The following MAPKAPK5 variants were observed in gnomAD, a reference collection of about 807,000 sequenced individuals.
MAPKAPK5 encodes the protein MAP kinase-activated protein kinase 5.
A neutral mutation model predicts 65.1 loss-of-function variants in MAPKAPK5; 30 were observed. That is an observed-to-expected ratio of 0.46 (90% CI 0.34 to 0.63). The LOEUF is 0.63. Ranked by LOEUF, MAPKAPK5 falls within the 20% of genes least tolerant of loss-of-function variation. The pLI is 0.01. For synonymous variants in MAPKAPK5, 179 were observed against 204.6 expected (o/e 0.87, Z 1.07); for missense variants, 433 against 581.4 (o/e 0.74, Z 2.63).
In MAPKAPK5 at chr12:111,845,145, TAC is replaced by T. The variant is rs1327220691; in HGVS notation, c.36+2378_36+2379del. On this transcript the variant is annotated intron_variant, in intron 1 of 13. Transcript: ENST00000550735. ...AATCTCACCCTATGTTTTTTTTTGA[TAC>T]AGAGTCTCACTCTGTCACCCAGGCT... Among the ~76,000 whole-genome samples, 7 of 152,058 alleles carry T rather than the reference TAC, an allele frequency of 4.6e-5. No individual in the cohort carries two copies. In the East Asian group the frequency reaches 1.2e-3, roughly 25 times the overall value.
At position 111,888,544 on chromosome 12, in the gene MAPKAPK5, C is replaced by A. The variant is rs1566276381; in HGVS notation, c.1026C>A (p.Ile342=). The change falls in exon 11 of 14, where the codon ATC becomes ATA. Residue 342 remains isoleucine (I), a synonymous_variant. Coordinates refer to ENST00000550735, the MANE Select transcript of MAPKAPK5 (RefSeq NM_003668.4). ...CGGAACAGTTGGCCAACATGAGAAT[C>A]CAGGATCTGAAAGTCAGCCTCAAAC... ...AHAEQLANMR[I]QDLKVSLKPL... is the part of the protein sequence containing the mutation. 5 of 1,613,964 alleles carry A rather than the reference C, an allele frequency of 3.1e-6. No individual in the cohort carries two copies. Among genetic ancestry groups the A allele is most frequent in the Non-Finnish European group, 4.2e-6 (5 of 1,179,880 alleles).
In MAPKAPK5 at chr12:111,883,870, T is replaced by C; in HGVS notation, c.848+102T>C. ...AAAGTCACTGGTTTCCTAGGCAGGC[T>C]CCTCCCCGTTTTAATATCACAGAAA... On this transcript the variant is annotated intron_variant, in intron 9 of 13. Coordinates refer to ENST00000550735, the MANE Select transcript of MAPKAPK5 (RefSeq NM_003668.4). The surrounding 1 kb of genome is among the most constrained non-coding windows in gnomAD (Gnocchi z 4.8). 2 of 1,188,416 alleles carry C rather than the reference T, an allele frequency of 1.7e-6. No individual in the cohort carries two copies. The highest frequency in any genetic ancestry group is 1.2e-6 in the Non-Finnish European group (1 of 860,926). The allele number at this position is 1,188,416 out of a possible 1,614,324, so 73.6% of individuals were successfully genotyped here. A position where few individuals can be genotyped will look rare whatever the true frequency, so the allele number is the denominator to read the frequency against.
At chr12:111,845,231 T>A in intron 1 of MAPKAPK5, among the ~76,000 whole-genome samples, 1 of 152,052 alleles carries the variant, frequency 6.6e-6, no homozygotes, top group Non-Finnish European at 1.5e-5. Flanking sequence ...TTCAAGCAAT[T>A]CTTGTGCCTT....
intron 7 of MAPKAPK5, among the ~76,000 whole-genome samples, chr12:111,877,067 G>A (rs1354396424): frequency 6.6e-6 from 1 of 151,612 alleles, no homozygotes; most frequent in Non-Finnish European, 1.5e-5. Context: ...GCACAAGTTG[G>A]AGTGCAGTAG....
Position 111,893,055 on chromosome 12 carries a change from C to A in MAPKAPK5, c.1410C>A (p.Ser470=). The A allele has an allele frequency of 6.4e-7, 1 of 1,568,594 alleles. No individual in the cohort carries two copies. Among genetic ancestry groups the A allele is most frequent in the East Asian group, 2.3e-5 (1 of 42,730 alleles). ...VIEEQTTSHE[S]Q The stretch of plus-strand genomic sequence containing the variant: ...AAGAGCAAACCACGTCCCACGAATC[C>A]CAATAATGACAGCTTCAGACTTTGT... Residue 470 remains serine (S), a synonymous_variant, in exon 14 of 14, where the codon TCC becomes TCA. Coordinates refer to ENST00000550735, the MANE Select transcript of MAPKAPK5 (RefSeq NM_003668.4).
At chr12:111,891,852 A>C (rs2070627557) in intron 13 of MAPKAPK5, among the ~76,000 whole-genome samples, 1 of 152,090 alleles carries the variant, frequency 6.6e-6, no homozygotes, top group African/African-American at 2.4e-5. Context: ...GTCATTTTAG[A>C]AAAGTGATCA....
At position 111,893,310 on chromosome 12, in the gene MAPKAPK5, A is replaced by G. The variant is rs2070690701; in HGVS notation, c.*249A>G. 5.0e-6 allele frequency: 1 copy of G among 199,674 alleles called. No homozygotes were observed. The highest frequency in any genetic ancestry group is 1.4e-4 in the South Asian group (1 of 7,378). 12.4% of individuals were successfully genotyped at this position (199,674 alleles called of 1,614,324 possible). Reference sequence around the variant, plus strand: ...TTGTAAGATGACAGATGATGCTGTCAAGCAATATTGTTTTATTTGTAATAA... The same window carrying G: ...TTGTAAGATGACAGATGATGCTGTCGAGCAATATTGTTTTATTTGTAATAA... On this transcript the variant is annotated 3_prime_UTR_variant, in exon 14 of 14. Coordinates refer to ENST00000550735, the MANE Select transcript of MAPKAPK5 (RefSeq NM_003668.4).
At chr12:111,842,821 C>T (rs952824587) in intron 1 of MAPKAPK5, 52 bp downstream of exon 1, 4 of 1,278,444 alleles carry the variant, frequency 3.1e-6, no homozygotes, top group Non-Finnish European at 4.0e-6. Flanking sequence ...GCGTTCTTCT[C>T]GGCTCTAGCC....
intron 1 of MAPKAPK5, among the ~76,000 whole-genome samples, chr12:111,845,237 G>A (rs2068869656): frequency 6.6e-6 from 1 of 152,062 alleles, no homozygotes; most frequent in Non-Finnish European, 1.5e-5. Flanking sequence ...CAATTCTTGT[G>A]CCTTGGCCCT....
At chr12:111,877,986 C>G (rs1654366782) in intron 7 of MAPKAPK5, among the ~76,000 whole-genome samples, 2 of 151,446 alleles carry the variant, frequency 1.3e-5, no homozygotes, top group African/African-American at 4.9e-5. Flanking sequence ...TCTACCACGT[C>G]CAGCTGACTC....
chr12:111,891,192 C>T (rs1197792343), intron 13 of MAPKAPK5, among the ~76,000 whole-genome samples: 3 of 151,670 alleles, frequency 2.0e-5, no homozygotes, highest in Admixed American at 1.3e-4. Context: ...GTCCTGGGCT[C>T]ATGCGATTCT....
chr12:111,868,684 T>C (rs2069685321), intron 4 of MAPKAPK5, 69 bp from the exon 5 acceptor site: 2 of 1,220,542 alleles, frequency 1.6e-6, no homozygotes, highest in South Asian at 2.8e-5. Context: ...CTTCTTAATG[T>C]TTCAGGGTTT....
In MAPKAPK5 at chr12:111,868,845, G is replaced by T; in HGVS notation, c.377G>T (p.Ser126Ile). The T allele has an allele frequency of 6.4e-7, 1 of 1,560,486 alleles. No individual in the cohort carries two copies. The stretch of plus-strand genomic sequence containing the variant: ...CGGCACTTTACAGAGAAGCAAGCCA[G>T]CCAAGTAACAAAGCAGGCAAGTTAA... Reference protein sequence around the residue: ...QHRHFTEKQASQVTKQIALAL... With the variant: ...QHRHFTEKQAIQVTKQIALAL... The change falls in exon 5 of 14, where the codon AGC (serine) becomes ATC (isoleucine). Residue 126 changes from serine to isoleucine, a missense_variant. By Grantham distance (142) the Ser-to-Ile change is moderately radical (BLOSUM62 -2). Around this residue, in one of 3 missense-constraint regions of MAPKAPK5, gnomAD observed 165 missense variants for 180.0 expected, o/e 0.92. Transcript: ENST00000550735.
In MAPKAPK5 at chr12:111,901,970, C is replaced by G. The variant is rs1476126933; in HGVS notation, c.*8909C>G. The G allele has an allele frequency of 6.6e-6, 1 of 152,454 alleles. No homozygotes were observed. Among genetic ancestry groups the G allele is most frequent in the Non-Finnish European group, 1.5e-5 (1 of 68,334 alleles). The allele number at this position is 152,454 out of a possible 1,614,324, so 9.4% of individuals were successfully genotyped here. On this transcript the variant is annotated 3_prime_UTR_variant, in exon 14 of 14. Transcript: ENST00000550735. ...CATCTTTGGACATCAATGTCCTTGT[C>G]TTTTTGGCCCAATTGTTTTAGTCAC...
At chr12:111,872,586 T>C (rs2069818727) in intron 7 of MAPKAPK5, among the ~76,000 whole-genome samples, 1 of 152,206 alleles carries the variant, frequency 6.6e-6, no homozygotes, top group Non-Finnish European at 1.5e-5. Flanking sequence ...ACAACAGAAA[T>C]GTATTATCTT....
chr12:111,860,163 T>C (rs745608285), intron 1 of MAPKAPK5, among the ~76,000 whole-genome samples: 1 of 152,230 alleles, frequency 6.6e-6, no homozygotes, highest in Non-Finnish European at 1.5e-5. Flanking sequence ...AGCCAGTGAT[T>C]TGGGCAGAGG....
intron 1 of MAPKAPK5, among the ~76,000 whole-genome samples, chr12:111,849,938 G>C (rs1169969460): frequency 2.0e-5 from 3 of 150,800 alleles, no homozygotes; most frequent in African/African-American, 7.3e-5. Flanking sequence ...AGCCCAGGCT[G>C]GTCTCCAGCT....
intron 12 of MAPKAPK5, chr12:111,889,732 T>C: frequency 3.9e-6 from 1 of 253,394 alleles, no homozygotes; most frequent in South Asian, 6.3e-5. Flanking sequence ...TCCCACTTTT[T>C]GGTCTTTGGT....
intron 1 of MAPKAPK5, among the ~76,000 whole-genome samples, chr12:111,852,164 G>A (rs1004057495): frequency 6.6e-6 from 1 of 152,180 alleles, no homozygotes; most frequent in Non-Finnish European, 1.5e-5. Context: ...AAAGCAAATG[G>A]TGGAAGAAGG....
Sources: allele counts gnomAD v4.1 joint callset (sites outside exome capture counted in the v4.1 genomes callset), GRCh38; gene constraint gnomAD v4.1.1; regional missense constraint gnomAD v4.1.1; non-coding constraint Gnocchi (gnomAD v3.1); transcripts MANE v1.5; gene names NCBI Gene and HGNC (gene_info 2026-07-23, HGNC 2026-07-21).